Variants in RASGEF1C observed in about 807,000 individuals in gnomAD.
The protein encoded by RASGEF1C is RasGEF domain family member 1C, also known as ras-GEF domain-containing family member 1C.
RASGEF1C carries 27 observed loss-of-function variants against 58.1 expected under a neutral mutation model. That is an observed-to-expected ratio of 0.46 (90% CI 0.34 to 0.64). The LOEUF (loss-of-function observed/expected upper bound fraction) is 0.64. Among genes scored for constraint, RASGEF1C ranks in the 30% least tolerant of loss-of-function variants. The probability of loss-of-function intolerance (pLI) is 0.01; values close to 1 mark genes in which losing one functional copy is unlikely to be tolerated. For missense variants in RASGEF1C, 502 were observed against 605.1 expected, an observed-to-expected ratio of 0.83 and a Z score of 1.79; for synonymous variants, 243 against 246.3, an observed-to-expected ratio of 0.99 and a Z score of 0.13.
Position 180,168,157 on chromosome 5 carries a change from G to A in RASGEF1C, c.-6-30099C>T, listed in dbSNP as rs571173863. The stretch of plus-strand genomic sequence containing the variant: ...AAAACAAACAAAAAAAAGGCCAGGC[G>A]CAGTGGCTCACACCTGTAATCCCAG... On this transcript the variant is annotated intron_variant, in intron 1 of 13. Transcript: ENST00000361132. This position sits in a 1 kb window ranked among gnomAD's most constrained non-coding sequence, Gnocchi z 6.0. Among the ~76,000 whole-genome samples, 4 of 152,256 alleles carry A rather than the reference G, an allele frequency of 2.6e-5. No homozygotes were observed. The highest frequency in any genetic ancestry group is 9.6e-5 in the African/African-American group (4 of 41,542).
intron 1 of RASGEF1C, among the ~76,000 whole-genome samples, chr5:180,178,195 C>T (rs538159875): frequency 7.0e-6 from 1 of 143,560 alleles, no homozygotes; most frequent in East Asian, 2.1e-4. Context: ...CCAGGATGGT[C>T]TCTATCTGGC....
chr5:180,164,224 G>A (rs1274821834), intron 1 of RASGEF1C, among the ~76,000 whole-genome samples: 1 of 152,040 alleles, frequency 6.6e-6, no homozygotes, highest in Non-Finnish European at 1.5e-5. Context: ...CAACATCGTT[G>A]ATATTTCCAC....
At chr5:180,146,252 C>T (rs922496150) in intron 1 of RASGEF1C, among the ~76,000 whole-genome samples, 1 of 152,188 alleles carries the variant, frequency 6.6e-6, no homozygotes, top group South Asian at 2.1e-4. Flanking sequence ...AAGTGATTCT[C>T]CTGTCTCAGC....
chr5:180,137,686 C>T lies in RASGEF1C; in HGVS notation c.204G>A (p.Leu68=). The change falls in exon 3 of 14, where the codon CTG becomes CTA. Residue 68 remains leucine, a synonymous_variant. Coordinates refer to ENST00000361132, the MANE Select transcript of RASGEF1C (RefSeq NM_175062.4). The surrounding 1 kb of genome is among the most constrained non-coding windows in gnomAD (Gnocchi z 4.1). ...GGGGCTCGATGAAGAGGCGAGAGCT[C>T]AGCAGGAAGGTGAAGATGTAGGCTT... is the stretch of plus-strand genomic sequence containing the variant. The part of the protein sequence containing the change: ...PEKAYIFTFL[L]SSRLFIEPRE... The T allele has an allele frequency of 1.9e-6, 3 of 1,612,936 alleles. No homozygotes were observed. The highest frequency in any genetic ancestry group is 2.5e-6 in the Non-Finnish European group (3 of 1,180,012).
intron 1 of RASGEF1C, among the ~76,000 whole-genome samples, chr5:180,151,494 C>T (rs1766744337): frequency 6.6e-6 from 1 of 152,104 alleles, no homozygotes; most frequent in Non-Finnish European, 1.5e-5. Context: ...ATAAATGGTG[C>T]TGGGAAAACT....
intron 1 of RASGEF1C, among the ~76,000 whole-genome samples, chr5:180,205,441 C>T (rs904230524): frequency 6.6e-6 from 1 of 152,082 alleles, no homozygotes; most frequent in African/African-American, 2.4e-5. Flanking sequence ...TCTTGACAAA[C>T]AGAAAGACAT....
intron 5 of RASGEF1C, 38 bp downstream of exon 5, chr5:180,128,372 T>C (rs766888230): frequency 6.3e-7 from 1 of 1,576,676 alleles, no homozygotes; most frequent in African/African-American, 1.3e-5. Context: ...TGTGTCCTGC[T>C]GAATCCCGGG....
intron 1 of RASGEF1C, among the ~76,000 whole-genome samples, chr5:180,181,580 G>A (rs1171728671): frequency 6.6e-6 from 1 of 152,222 alleles, no homozygotes; most frequent in African/African-American, 2.4e-5. Context: ...GGCAGAGACT[G>A]GAGTGATGCG....
At chr5:180,121,472 C>T (rs1018981789) in intron 6 of RASGEF1C, among the ~76,000 whole-genome samples, 1 of 152,020 alleles carries the variant, frequency 6.6e-6, no homozygotes, top group Non-Finnish European at 1.5e-5. Flanking sequence ...CGCCACCACG[C>T]CCAGAGAATT....
At chr5:180,188,011 C>G (rs529763445) in intron 1 of RASGEF1C, among the ~76,000 whole-genome samples, 1 of 152,166 alleles carries the variant, frequency 6.6e-6, no homozygotes, top group Non-Finnish European at 1.5e-5. Flanking sequence ...AACAGATCCT[C>G]AAACAAATAC....
intron 10 of RASGEF1C, 67 bp from the exon 11 acceptor site, chr5:180,114,608 C>T: frequency 6.8e-7 from 1 of 1,462,404 alleles, no homozygotes; most frequent in South Asian, 1.2e-5. Flanking sequence ...GGACGGGGGG[C>T]AGCCTTGCCA....
At chr5:180,123,641 C>A (rs904961434) in intron 6 of RASGEF1C, among the ~76,000 whole-genome samples, 1 of 151,626 alleles carries the variant, frequency 6.6e-6, no homozygotes, top group Non-Finnish European at 1.5e-5. Context: ...GAACATCCAA[C>A]ATAAGAAACT....
At chr5:180,207,295 G>A (rs1284314582) in intron 1 of RASGEF1C, among the ~76,000 whole-genome samples, 1 of 152,260 alleles carries the variant, frequency 6.6e-6, no homozygotes, top group African/African-American at 2.4e-5. Context: ...GGTTCTCACT[G>A]CAGGAGAAAG....
At chr5:180,139,874 G>T (rs1582277338) in intron 1 of RASGEF1C, among the ~76,000 whole-genome samples, 1 of 152,170 alleles carries the variant, frequency 6.6e-6, no homozygotes, top group East Asian at 1.9e-4. Flanking sequence ...GAGGTCCGTT[G>T]TCTCCTGCTG....
intron 12 of RASGEF1C, among the ~76,000 whole-genome samples, chr5:180,105,388 C>A (rs1382667441): frequency 6.6e-6 from 1 of 151,566 alleles, no homozygotes; most frequent in Non-Finnish European, 1.5e-5. Context: ...CGGTGAAACC[C>A]CGTCTCTACT....
At chr5:180,115,411 G>A (rs1766049624) in intron 10 of RASGEF1C, 1 of 351,918 alleles carries the variant, frequency 2.8e-6, no homozygotes. Context: ...TGAAGGAAAA[G>A]AAAGGCTCAC....
chr5:180,173,144 G>A (rs1767140399), intron 1 of RASGEF1C, among the ~76,000 whole-genome samples: 1 of 152,224 alleles, frequency 6.6e-6, no homozygotes, highest in Non-Finnish European at 1.5e-5. Flanking sequence ...CTTTTAGACT[G>A]CGAATTTACT....
chr5:180,171,726 T>C (rs1767111658), intron 1 of RASGEF1C, among the ~76,000 whole-genome samples: 1 of 152,226 alleles, frequency 6.6e-6, no homozygotes, highest in African/African-American at 2.4e-5. Flanking sequence ...CAAACACCCT[T>C]CGGCACTCTG....
At chr5:180,135,067 C>T (rs1766448894) in intron 4 of RASGEF1C, among the ~76,000 whole-genome samples, 1 of 99,392 alleles carries the variant, frequency 1.0e-5, no homozygotes, top group South Asian at 4.1e-4. Context: ...CAATCATCAA[C>T]TGTTCCCTGG....
Sources: allele counts gnomAD v4.1 joint callset (sites outside exome capture counted in the v4.1 genomes callset), GRCh38; gene constraint gnomAD v4.1.1; non-coding constraint Gnocchi (gnomAD v3.1); transcripts MANE v1.5; gene names NCBI Gene and HGNC (gene_info 2026-07-23, HGNC 2026-07-21).